RBM42: variants seen among roughly 807,000 people sequenced by gnomAD.
The protein encoded by RBM42 is RNA-binding protein 42.
Under a neutral mutation model 41.4 loss-of-function variants are expected in RBM42, and 21 were observed. That is an observed-to-expected ratio of 0.51 (90% CI 0.36 to 0.73). The LOEUF (loss-of-function observed/expected upper bound fraction) is 0.73, where lower values mean the gene tolerates loss of function less well. Ranked by LOEUF, RBM42 falls within the 30% of genes least tolerant of loss-of-function variation. The pLI is 0.00. For missense variants in RBM42, 539 were observed against 680.4 expected (o/e 0.79, Z 2.31); for synonymous variants, 272 against 271.2 (o/e 1.00, Z -0.03).
At chr19:35,630,302 G>C (rs1351188748) in intron 2 of RBM42, among the ~76,000 whole-genome samples, 1 of 146,056 alleles carries the variant, frequency 6.8e-6, no homozygotes, top group East Asian at 2.0e-4. Flanking sequence ...GACAGAGCGA[G>C]ACTCCGTCTC....
In RBM42 at chr19:35,633,850, G is replaced by C. The variant is rs962884916; in HGVS notation, c.848G>C (p.Ser283Thr). 1.3e-6 allele frequency: 2 copies of C among 1,569,024 alleles called. No homozygotes were observed. Among genetic ancestry groups the C allele is most frequent in the Non-Finnish European group, 1.7e-6 (2 of 1,162,168 alleles). Residue 283 changes from serine (S) to threonine (T), a missense_variant, in exon 7 of 10, where the codon AGC becomes ACC. Around this residue, in one of 2 missense-constraint regions of RBM42, gnomAD observed 429 missense variants for 488.9 expected, o/e 0.88. Coordinates refer to ENST00000262633, the MANE Select transcript of RBM42 (RefSeq NM_024321.5). ...APAGPAVIGP[S>T]LPLALAMPLP... Reference sequence around the variant, plus strand: ...GCTGGCCCTGCAGTCATTGGGCCCAGCCTGCCGCTGGCCCTGGCCATGCCA... The same window carrying C: ...GCTGGCCCTGCAGTCATTGGGCCCACCCTGCCGCTGGCCCTGGCCATGCCA...
intron 8 of RBM42, among the ~76,000 whole-genome samples, chr19:35,636,388 G>C (rs1220909712): frequency 6.6e-6 from 1 of 151,988 alleles, no homozygotes; most frequent in Non-Finnish European, 1.5e-5. Context: ...TTGAACTCTT[G>C]AGCTCAAGTC....
At position 35,632,920 on chromosome 19, in the gene RBM42, T is replaced by C; in HGVS notation, c.443-16T>C. The C allele has an allele frequency of 7.8e-7, 1 of 1,279,104 alleles. No individual in the cohort carries two copies. The allele number at this position is 1,279,104 out of a possible 1,614,324, so 79.2% of individuals were successfully genotyped here. ...CTGTCCCCCATGACACACACCCCCA[T>C]CTCTCTCTCCCACAGCTGTGGCCCC... is the stretch of plus-strand genomic sequence containing the variant. On this transcript the variant is annotated splice_polypyrimidine_tract_variant and intron_variant, in intron 4 of 9. Transcript: ENST00000262633.
In RBM42 at chr19:35,629,499, A is replaced by G; in HGVS notation, c.129-21A>G. ...AATTGGTACGAGGTCCTGAGCGCTG[A>G]TGTCTGTTCTACTCCTCCAGGTTTG... On this transcript the variant is annotated intron_variant, in intron 1 of 9. Transcript: ENST00000262633. 4 of 1,613,396 alleles carry G rather than the reference A, an allele frequency of 2.5e-6. No individual in the cohort carries two copies. The South Asian group carries it at 4.4e-5, about 18-fold the overall frequency.
chr19:35,632,862 C>A (rs1282162839), intron 4 of RBM42, 74 bp from the exon 5 acceptor site: 2 of 760,712 alleles, frequency 2.6e-6, no homozygotes, highest in East Asian at 2.5e-5. Flanking sequence ...CACACACACA[C>A]GCATGCACAC....
chr19:35,634,143 C>T, intron 7 of RBM42, 113 bp from the exon 8 acceptor site: 3 of 1,539,400 alleles, frequency 1.9e-6, no homozygotes, highest in Non-Finnish European at 2.6e-6. Context: ...CACATGTGCC[C>T]CACATCCAGA....
In RBM42 at chr19:35,634,306, G is replaced by T. The variant is rs1178813345; in HGVS notation, c.1068G>T (p.Leu356Phe). ...EDKKKGKPEK[L>F]KRCIRTAAGS... The stretch of plus-strand genomic sequence containing the variant: ...AGAAGAAGGGGAAGCCAGAGAAATT[G>T]AAACGGTGCATTCGCACAGCGGCAG... Residue 356 changes from leucine (L) to phenylalanine (F), a missense_variant, in exon 8 of 10, where the codon TTG (leucine) becomes TTT (phenylalanine). By Grantham distance (22) the Leu-to-Phe change is conservative (BLOSUM62 0). Transcript: ENST00000262633. 6.2e-7 allele frequency: 1 copy of T among 1,614,068 alleles called. No homozygotes were observed. Among genetic ancestry groups the T allele is most frequent in the Non-Finnish European group, 8.5e-7 (1 of 1,180,054 alleles).
Position 35,637,154 on chromosome 19 carries a change from C to T in RBM42, c.1136-4C>T, listed in dbSNP as rs1967511965. On this transcript the variant is annotated splice_region_variant and splice_polypyrimidine_tract_variant and intron_variant, in intron 8 of 9. Transcript: ENST00000262633. This position sits in a 1 kb window ranked among gnomAD's most constrained non-coding sequence, Gnocchi z 7.0. ...CTCTGATGTCATCTCTTCCCCATCC[C>T]CAGATGACTTCCGGATCTTCTGTGG... is the stretch of plus-strand genomic sequence containing the variant. The T allele has an allele frequency of 6.2e-7, 1 of 1,610,872 alleles. No individual in the cohort carries two copies. Among genetic ancestry groups the T allele is most frequent in the Non-Finnish European group, 8.5e-7 (1 of 1,178,336 alleles).
chr19:35,637,289 G>A lies in RBM42; in HGVS notation c.1267G>A (p.Gly423Ser). Residue 423 changes from glycine (G) to serine (S), a missense_variant, in exon 9 of 10, where the codon GGC becomes AGC. Physicochemically the swap from Gly to Ser is moderately conservative, Grantham distance 56. Around this residue, in one of 2 missense-constraint regions of RBM42, gnomAD observed 110 missense variants for 191.5 expected, o/e 0.57. Transcript: ENST00000262633. This position sits in a 1 kb window ranked among gnomAD's most constrained non-coding sequence, Gnocchi z 7.0. ...TGACAAGCGCACAGGCAAGACCAAG[G>A]GCTACGGCTTCGTCAGCTTCAAGGA... The part of the protein sequence containing the change: ...IRDKRTGKTK[G>S]YGFVSFKDPS... The A allele has an allele frequency of 6.2e-7, 1 of 1,614,228 alleles. No homozygotes were observed. Among genetic ancestry groups the A allele is most frequent in the Non-Finnish European group, 8.5e-7 (1 of 1,180,048 alleles).
At chr19:35,631,510 C>T in intron 4 of RBM42, 105 bp downstream of exon 4, 1 of 1,065,530 alleles carries the variant, frequency 9.4e-7, no homozygotes, top group Non-Finnish European at 1.4e-6. Context: ...TGCCTTTGAT[C>T]CCAACTTGAT....
chr19:35,629,678 G>A lies in RBM42; in HGVS notation c.282+5G>A, dbSNP rs775296610. The stretch of plus-strand genomic sequence containing the variant: ...GCGACCAACACATACCAGCAGGTAC[G>A]GCTGAGCTAAGGCATGTAAGTCAGG... On this transcript the variant is annotated splice_donor_5th_base_variant and intron_variant, in intron 2 of 9. Transcript: ENST00000262633. 1 of 1,614,062 alleles carries A rather than the reference G, an allele frequency of 6.2e-7. No individual in the cohort carries two copies. Among genetic ancestry groups the A allele is most frequent in the East Asian group, 2.2e-5 (1 of 44,880 alleles).
At chr19:35,636,178 A>T (rs1454847329) in intron 8 of RBM42, among the ~76,000 whole-genome samples, 2 of 141,584 alleles carry the variant, frequency 1.4e-5, no homozygotes, top group African/African-American at 5.3e-5. Flanking sequence ...CTTTTTTTTG[A>T]GACAGAGTCT....
In RBM42 at chr19:35,637,594, T is replaced by C; in HGVS notation, c.*40T>C. 6.6e-7 allele frequency: 1 copy of C among 1,510,946 alleles called. No individual in the cohort carries two copies. Among genetic ancestry groups the C allele is most frequent in the South Asian group, 1.1e-5 (1 of 87,928 alleles). The allele number at this position is 1,510,946 out of a possible 1,614,324, so 93.6% of individuals were successfully genotyped here. On this transcript the variant is annotated 3_prime_UTR_variant, in exon 10 of 10. Coordinates refer to ENST00000262633, the MANE Select transcript of RBM42 (RefSeq NM_024321.5). This position sits in a 1 kb window ranked among gnomAD's most constrained non-coding sequence, Gnocchi z 7.0. ...CACCCGCTCCCACCTGGCCGGGCGC[T>C]GGCTCCTCCCTCAGTTCTCTTTGGA...
At position 35,629,116 on chromosome 19, in the gene RBM42, C is replaced by T; in HGVS notation, c.-38C>T. 1 of 1,499,922 alleles carries T rather than the reference C, an allele frequency of 6.7e-7. No homozygotes were observed. The highest frequency in any genetic ancestry group is 2.5e-5 in the Admixed American group (1 of 40,258). The allele number at this position is 1,499,922 out of a possible 1,614,324, so 92.9% of individuals were successfully genotyped here. A position where few individuals can be genotyped will look rare whatever the true frequency, so the allele number is the denominator to read the frequency against. On this transcript the variant is annotated 5_prime_UTR_variant, in exon 1 of 10. Coordinates refer to ENST00000262633, the MANE Select transcript of RBM42 (RefSeq NM_024321.5). ...AGCAGAACCAGCGGCGGCGGCTAAG[C>T]AGAGACTGTAGTAGCGGCGACAGCG... is the stretch of plus-strand genomic sequence containing the variant.
At position 35,637,098 on chromosome 19, in the gene RBM42, C is replaced by A; in HGVS notation, c.1136-60C>A. 1.3e-6 allele frequency: 2 copies of A among 1,487,884 alleles called. No homozygotes were observed. The highest frequency in any genetic ancestry group is 1.8e-6 in the Non-Finnish European group (2 of 1,093,622). The allele number at this position is 1,487,884 out of a possible 1,614,324, so 92.2% of individuals were successfully genotyped here. ...CTCCGAAAAGGTGGGATCGTTCAGA[C>A]AAGGTAGACACTGGGCAAGGCCTCT... On this transcript the variant is annotated intron_variant, in intron 8 of 9. Transcript: ENST00000262633. The surrounding 1 kb of genome is among the most constrained non-coding windows in gnomAD (Gnocchi z 7.0).
At chr19:35,635,314 CAAAA>C (rs80100096) in intron 8 of RBM42, among the ~76,000 whole-genome samples, 5 of 71,670 alleles carry the variant, frequency 7.0e-5, no homozygotes, top group South Asian at 4.5e-4. Context: ...GACTCCATCT[CAAAA>C]AAAAAAAAAA....
chr19:35,634,167 C>T, intron 7 of RBM42, 89 bp from the exon 8 acceptor site: 2 of 1,555,280 alleles, frequency 1.3e-6, no homozygotes, highest in South Asian at 1.2e-5. Flanking sequence ...ACATCCAGCC[C>T]TTACTGTGGT....
At chr19:35,631,510 C>G in intron 4 of RBM42, 105 bp downstream of exon 4, 2 of 1,065,530 alleles carry the variant, frequency 1.9e-6, no homozygotes, top group South Asian at 1.5e-5. Flanking sequence ...TGCCTTTGAT[C>G]CCAACTTGAT....
chr19:35,635,721 C>G (rs1034630918), intron 8 of RBM42, among the ~76,000 whole-genome samples: 1 of 152,028 alleles, frequency 6.6e-6, no homozygotes, highest in African/African-American at 2.4e-5. Context: ...GGGGTTTCAC[C>G]ATGCTGGCCA....
Sources: allele counts gnomAD v4.1 joint callset (sites outside exome capture counted in the v4.1 genomes callset), GRCh38; gene constraint gnomAD v4.1.1; regional missense constraint gnomAD v4.1.1; non-coding constraint Gnocchi (gnomAD v3.1); transcripts MANE v1.5; gene names NCBI Gene and HGNC (gene_info 2026-07-23, HGNC 2026-07-21).